TXLNB: variants seen among roughly 807,000 people sequenced by gnomAD.
The protein encoded by TXLNB is beta-taxilin.
A neutral mutation model predicts 57.4 loss-of-function variants in TXLNB; 37 were observed. The ratio of observed to expected loss-of-function variants is 0.64; its 90% CI spans 0.50 to 0.85. TXLNB has a LOEUF of 0.85. Ranked by LOEUF, TXLNB falls within the 40% of genes least tolerant of loss-of-function variation. The probability of loss-of-function intolerance (pLI) is 0.00; values close to 1 mark genes in which losing one functional copy is unlikely to be tolerated. For missense variants in TXLNB, 848 were observed against 825.6 expected, an observed-to-expected ratio of 1.03 and a Z score of -0.33; for synonymous variants, 302 against 309.6, an observed-to-expected ratio of 0.98 and a Z score of 0.26.
intron 2 of TXLNB, among the ~76,000 whole-genome samples, chr6:139,278,089 G>C (rs1776946468): frequency 6.6e-6 from 1 of 152,164 alleles, no homozygotes; most frequent in Non-Finnish European, 1.5e-5. Flanking sequence ...ACTTTACATG[G>C]AATCAAGGAA....
the TXLNB span, among the ~76,000 whole-genome samples, chr6:139,316,488 C>A: frequency 6.6e-6 from 1 of 152,156 alleles, no homozygotes; most frequent in African/African-American, 2.4e-5. Context: ...GACCCTCTAC[C>A]CTATTTCTTA....
the TXLNB span, among the ~76,000 whole-genome samples, chr6:139,316,129 G>A: frequency 6.6e-6 from 1 of 152,204 alleles, no homozygotes; most frequent in Non-Finnish European, 1.5e-5. Flanking sequence ...TTCTATCTGT[G>A]AGGCAGTAGG....
chr6:139,181,413 G>A, the TXLNB span, among the ~76,000 whole-genome samples: 1 of 152,184 alleles, frequency 6.6e-6, no homozygotes, highest in Non-Finnish European at 1.5e-5. Flanking sequence ...GTGCCATCCT[G>A]TTGAGCAGGC....
At chr6:139,300,920 G>A in the TXLNB span, among the ~76,000 whole-genome samples, 3 of 152,210 alleles carry the variant, frequency 2.0e-5, no homozygotes, top group South Asian at 2.1e-4. Context: ...AACTTCCCTT[G>A]TGTGTTCCTT....
At chr6:139,166,912 C>T in the TXLNB span, 311 of 1,614,070 alleles carry the variant, frequency 1.9e-4, no homozygotes, top group Middle Eastern at 6.6e-4. Context: ...TCTTAAAGAA[C>T]GCCATCCATC....
At chr6:139,311,336 C>CA in the TXLNB span, among the ~76,000 whole-genome samples, 1 of 152,136 alleles carries the variant, frequency 6.6e-6, no homozygotes, top group East Asian at 1.9e-4. Context: ...TTTTCTTTTG[C>CA]ATAAAACCTC....
chr6:139,261,960 G>GT (rs1179799880), intron 5 of TXLNB, among the ~76,000 whole-genome samples: 1 of 140,238 alleles, frequency 7.1e-6, no homozygotes, highest in Non-Finnish European at 1.5e-5. Flanking sequence ...CTGGAGTGCA[G>GT]TGGCGTGATC....
At chr6:139,201,243 G>T in the TXLNB span, among the ~76,000 whole-genome samples, 1 of 152,326 alleles carries the variant, frequency 6.6e-6, no homozygotes, top group South Asian at 2.1e-4. Context: ...GGAGGCCAGT[G>T]TTTTGGACTG....
chr6:139,239,068 C>T (rs1775869093), downstream of TXLNB: 1 of 152,254 alleles, frequency 6.6e-6, no homozygotes. This position sits in a 1 kb window ranked among gnomAD's most constrained non-coding sequence, Gnocchi z 4.7. Flanking sequence ...CAAAATCAGT[C>T]TTACAGGCAG....
At chr6:139,209,571 T>C in the TXLNB span, among the ~76,000 whole-genome samples, 1 of 151,964 alleles carries the variant, frequency 6.6e-6, no homozygotes, top group South Asian at 2.1e-4. Flanking sequence ...CAAATACTAA[T>C]AGCCAACTGA....
At chr6:139,248,268 G>C (rs1419519462) in intron 7 of TXLNB, among the ~76,000 whole-genome samples, 1 of 142,274 alleles carries the variant, frequency 7.0e-6, no homozygotes, top group Admixed American at 7.0e-5. Flanking sequence ...GCGAGACTCC[G>C]TCTCAAAAAA....
the TXLNB span, chr6:139,174,693 A>G: frequency 2.7e-6 from 3 of 1,109,818 alleles, no homozygotes; most frequent in South Asian, 1.8e-5. Context: ...GTGGAATACT[A>G]TTCAGTCATT....
the TXLNB span, among the ~76,000 whole-genome samples, chr6:139,194,416 C>G: frequency 6.6e-6 from 1 of 152,210 alleles, no homozygotes; most frequent in Non-Finnish European, 1.5e-5. Context: ...AGTTCTTGAT[C>G]TTTCTCTCCA....
chr6:139,244,046 G>C (rs1455599768), intron 9 of TXLNB, among the ~76,000 whole-genome samples: 1 of 152,056 alleles, frequency 6.6e-6, no homozygotes, highest in Non-Finnish European at 1.5e-5. Flanking sequence ...CTACCTCTCA[G>C]GTCAGGGGCC....
intron 5 of TXLNB, among the ~76,000 whole-genome samples, chr6:139,262,185 C>T (rs768430882): frequency 1.2e-4 from 18 of 152,064 alleles, no homozygotes; most frequent in Non-Finnish European, 1.9e-4. Context: ...GGATTACAGG[C>T]GTGAGCCACC....
chr6:139,255,625 G>A lies in TXLNB; in HGVS notation c.1016C>T (p.Ala339Val), dbSNP rs755081196. ...KREKEYLLNQAAEWKLQAKVL... is the reference protein window; with the variant it reads ...KREKEYLLNQVAEWKLQAKVL... ...TTTCGCCTGAAGTTTCCACTCTGCT[G>A]CCTGGTTCAGCAACTATGAGAAGAG... The change falls in exon 7 of 10, where the codon GCA (alanine) becomes GTA (valine). Residue 339 changes from alanine (A) to valine (V), a missense_variant. By Grantham distance (64) the Ala-to-Val change is moderately conservative (BLOSUM62 0). Transcript: ENST00000358430. 3.1e-6 allele frequency: 5 copies of A among 1,613,672 alleles called. No individual in the cohort carries two copies. The highest frequency in any genetic ancestry group is 4.2e-6 in the Non-Finnish European group (5 of 1,179,702).
chr6:139,173,287 C>G, the TXLNB span, among the ~76,000 whole-genome samples: 18 of 152,324 alleles, frequency 1.2e-4, no homozygotes, highest in African/African-American at 4.1e-4. Context: ...CCAACATACA[C>G]TTATAAAGTG....
the TXLNB span, among the ~76,000 whole-genome samples, chr6:139,200,879 C>A: frequency 2.0e-5 from 3 of 152,126 alleles, no homozygotes; most frequent in African/African-American, 7.2e-5. Flanking sequence ...CTAGTCATAG[C>A]CTGGGCAGCT....
chr6:139,247,030 T>A (rs1776082556), intron 8 of TXLNB, among the ~76,000 whole-genome samples: 1 of 152,236 alleles, frequency 6.6e-6, no homozygotes, highest in African/African-American at 2.4e-5. Context: ...TTCAAGGCTC[T>A]GTCAGTTATA....
Sources: gnomAD v4.1 joint callset for allele counts (sites outside exome capture counted in the v4.1 genomes callset) on GRCh38, gnomAD v4.1.1 for gene constraint, Gnocchi (gnomAD v3.1) non-coding constraint, MANE v1.5 for transcripts, NCBI Gene and HGNC (gene_info 2026-07-23, HGNC 2026-07-21) for gene names.